Variants in PYROXD1 observed in about 807,000 individuals in gnomAD.
PYROXD1 encodes the protein tRNA ligase complex-associated NAD(P)H dehydrogenase PYROXD1.
Under a neutral mutation model 62.0 loss-of-function variants are expected in PYROXD1, and 42 were observed. The observed-to-expected ratio is 0.68, with a 90% CI of 0.53 to 0.88. The LOEUF (loss-of-function observed/expected upper bound fraction) is 0.88. PYROXD1 is among the 40% of genes least tolerant of loss of function. PYROXD1 has a pLI of 0.00. For missense variants in PYROXD1, 493 were observed against 604.8 expected (o/e 0.82, Z 1.94); for synonymous variants, 170 against 206.4 (o/e 0.82, Z 1.51).
chr12:21,461,977 A>T (rs764015245), intron 8 of PYROXD1, 31 bp from the exon 9 acceptor site: 2 of 1,373,678 alleles, frequency 1.5e-6, no homozygotes, highest in Admixed American at 1.7e-5. Flanking sequence ...TTACAAATAA[A>T]GTCTGTTTTT....
chr12:21,452,221 C>T (rs888830667), intron 5 of PYROXD1, 67 bp downstream of exon 5: 9 of 1,099,730 alleles, frequency 8.2e-6, no homozygotes, highest in African/African-American at 1.7e-5. Context: ...TTAAATTAAA[C>T]AATTGCTTTG....
intron 10 of PYROXD1, among the ~76,000 whole-genome samples, chr12:21,464,510 T>A (rs1454255788): frequency 6.6e-6 from 1 of 152,126 alleles, no homozygotes; most frequent in Non-Finnish European, 1.5e-5. Flanking sequence ...ATATTATTTC[T>A]GCAAACAAAA....
At chr12:21,445,857 A>G (rs141323839) in intron 3 of PYROXD1, among the ~76,000 whole-genome samples, 193 of 152,310 alleles carry the variant, frequency 1.3e-3, no homozygotes, top group African/African-American at 4.4e-3. Flanking sequence ...CTGAAATACT[A>G]TCAAAGCTCT....
At chr12:21,453,327 C>A (rs2137264343) in intron 5 of PYROXD1, among the ~76,000 whole-genome samples, 1 of 152,090 alleles carries the variant, frequency 6.6e-6, no homozygotes, top group South Asian at 2.1e-4. Flanking sequence ...TTAGTAAGCT[C>A]TTCTTTGGTA....
At chr12:21,450,202 A>G (rs1036818086) in intron 4 of PYROXD1, among the ~76,000 whole-genome samples, 2 of 152,032 alleles carry the variant, frequency 1.3e-5, no homozygotes, top group African/African-American at 4.8e-5. Context: ...AGTTGACACT[A>G]TGTTTTTAAG....
chr12:21,460,422 TTTATTTATTTA>T (rs1361024506), intron 7 of PYROXD1, among the ~76,000 whole-genome samples: 1 of 110,560 alleles, frequency 9.0e-6, no homozygotes, highest in African/African-American at 3.4e-5. Flanking sequence ...ATTTATTTAT[TTTATTTATTTA>T]TTTTTTTTGA....
chr12:21,445,615 AAAATACAGTT>A, intron 3 of PYROXD1, 149 bp downstream of exon 3: 1 of 854,556 alleles, frequency 1.2e-6, no homozygotes. Flanking sequence ...ATTATTAGAA[AAAATACAGTT>A]TTTGTAAGTT....
At chr12:21,467,696 T>A in intron 11 of PYROXD1, 78 bp downstream of exon 11, 2 of 1,166,964 alleles carry the variant, frequency 1.7e-6, no homozygotes, top group Non-Finnish European at 2.4e-6. Flanking sequence ...TTTTCTTGCT[T>A]GAATAAAAAC....
intron 4 of PYROXD1, 73 bp from the exon 5 acceptor site, chr12:21,452,008 T>C: frequency 1.2e-6 from 1 of 861,154 alleles, no homozygotes; most frequent in Non-Finnish European, 1.8e-6. Flanking sequence ...TTTAGAATAT[T>C]ATCGAAGCCT....
intron 4 of PYROXD1, 66 bp from the exon 5 acceptor site, chr12:21,452,015 G>T: frequency 1.1e-6 from 1 of 908,700 alleles, no homozygotes; most frequent in East Asian, 2.6e-5. Flanking sequence ...TATTATCGAA[G>T]CCTCATATTT....
At chr12:21,464,131 T>G (rs1318737891) in intron 10 of PYROXD1, among the ~76,000 whole-genome samples, 1 of 106,870 alleles carries the variant, frequency 9.4e-6, no homozygotes, top group African/African-American at 3.8e-5. Context: ...GAGTTGGAGT[T>G]TATGGGTTTT....
chr12:21,457,465 A>C (rs1942619327), intron 7 of PYROXD1, among the ~76,000 whole-genome samples: 2 of 151,338 alleles, frequency 1.3e-5, no homozygotes, highest in African/African-American at 4.9e-5. Context: ...AGTAGGTCTC[A>C]ATGGTGGGCT....
intron 3 of PYROXD1, among the ~76,000 whole-genome samples, chr12:21,447,364 C>A (rs977371986): frequency 2.0e-5 from 3 of 152,080 alleles, no homozygotes; most frequent in African/African-American, 7.2e-5. Flanking sequence ...ATTACATATT[C>A]CAAGTAATAT....
chr12:21,445,543 G>T, intron 3 of PYROXD1, 77 bp downstream of exon 3: 1 of 1,367,078 alleles, frequency 7.3e-7, no homozygotes, highest in Non-Finnish European at 9.7e-7. Flanking sequence ...TTTCACTCCA[G>T]CTCTACTACC....
chr12:21,453,471 T>C (rs1302419282), intron 5 of PYROXD1, among the ~76,000 whole-genome samples: 3 of 151,356 alleles, frequency 2.0e-5, no homozygotes, highest in Non-Finnish European at 4.4e-5. Flanking sequence ...ACTAATGTTC[T>C]TCATTATACA....
At chr12:21,456,586 C>A (rs1296275015) in intron 7 of PYROXD1, among the ~76,000 whole-genome samples, 2 of 152,154 alleles carry the variant, frequency 1.3e-5, no homozygotes, top group Non-Finnish European at 2.9e-5. Flanking sequence ...TTCAGCAAAT[C>A]ATAATCTTTT....
intron 2 of PYROXD1, among the ~76,000 whole-genome samples, chr12:21,442,423 G>A (rs1190828374): frequency 6.6e-6 from 1 of 152,216 alleles, no homozygotes; most frequent in Non-Finnish European, 1.5e-5. Context: ...TCAGGGCAGG[G>A]CCTAGCTTTC....
chr12:21,469,917 TAA>T lies in PYROXD1; in HGVS notation c.*1164_*1165del, dbSNP rs1591963996. 1.0e-5 allele frequency: 3 copies of T among 291,706 alleles called. No individual in the cohort carries two copies. The East Asian group carries it at 2.6e-4, about 25-fold the overall frequency. 18.1% of individuals were successfully genotyped at this position (291,706 alleles called of 1,614,324 possible). ...TAAGTATATAAAGGCATAAAAAACT[TAA>T]GACGATTGTATGAACTTATTCTCAA... On this transcript the variant is annotated 3_prime_UTR_variant, in exon 12 of 12. Transcript: ENST00000240651.
intron 2 of PYROXD1, among the ~76,000 whole-genome samples, chr12:21,442,282 A>T (rs1381882500): frequency 1.3e-5 from 2 of 152,186 alleles, no homozygotes; most frequent in African/African-American, 4.8e-5. Flanking sequence ...CTGTAATGAT[A>T]TTGGTGCCTA....
Sources: allele counts gnomAD v4.1 joint callset (sites outside exome capture counted in the v4.1 genomes callset), GRCh38; gene constraint gnomAD v4.1.1; transcripts MANE v1.5; gene names NCBI Gene and HGNC (gene_info 2026-07-23, HGNC 2026-07-21).